The following STAB2 variants were observed in gnomAD, a reference collection of about 807,000 sequenced individuals.
The protein encoded by STAB2 is stabilin 2.
In STAB2, 288 loss-of-function variants were observed where a neutral mutation model predicts 338.1. The ratio of observed to expected loss-of-function variants is 0.85; its 90% CI spans 0.77 to 0.94. STAB2 has a LOEUF of 0.94. STAB2 is among the 40% of genes least tolerant of loss of function. STAB2 has a pLI of 0.00. For missense variants in STAB2, 3,141 were observed against 3,210.1 expected (o/e 0.98, Z 0.52); for synonymous variants, 1,202 against 1,193.3 (o/e 1.01, Z -0.15).
intron 22 of STAB2, among the ~76,000 whole-genome samples, chr12:103,671,983 C>T (rs762291567): frequency 7.9e-5 from 12 of 152,154 alleles, no homozygotes; most frequent in Non-Finnish European, 1.5e-4. Flanking sequence ...TCTCAGAAAA[C>T]GGCTATTTCT....
At chr12:103,594,557 C>A in intron 3 of STAB2, 47 bp downstream of exon 3, 3 of 1,426,588 alleles carry the variant, frequency 2.1e-6, no homozygotes, top group South Asian at 1.2e-5. Context: ...CTTGGTATCT[C>A]ATTTGGTAGA....
chr12:103,759,835 C>A (rs1884408126), intron 65 of STAB2, among the ~76,000 whole-genome samples: 1 of 152,198 alleles, frequency 6.6e-6, no homozygotes, highest in East Asian at 1.9e-4. Context: ...GAAGCATACA[C>A]ATTTTATTTA....
At chr12:103,746,821 C>T (rs1182375547) in intron 58 of STAB2, 117 bp downstream of exon 58, 5 of 899,302 alleles carry the variant, frequency 5.6e-6, no homozygotes, top group Non-Finnish European at 9.1e-6. Flanking sequence ...ACTTCAGCAG[C>T]ACCTACCCTC....
At chr12:103,660,616 C>G (rs1874527059) in intron 16 of STAB2, 67 bp from the exon 17 acceptor site, 1 of 1,542,926 alleles carries the variant, frequency 6.5e-7, no homozygotes, top group East Asian at 2.2e-5. Flanking sequence ...CTAGTGAGGA[C>G]TTTAAGAACT....
At chr12:103,657,281 C>A in intron 15 of STAB2, among the ~76,000 whole-genome samples, 1 of 149,674 alleles carries the variant, frequency 6.7e-6, no homozygotes, top group African/African-American at 2.5e-5. Context: ...TATTAAAATC[C>A]TGAGATTATG....
intron 28 of STAB2, 84 bp from the exon 29 acceptor site, chr12:103,689,762 A>C: frequency 6.6e-7 from 1 of 1,519,848 alleles, no homozygotes; most frequent in Non-Finnish European, 8.9e-7. Flanking sequence ...CTTATGGGAA[A>C]TTGTCATCTC....
intron 68 of STAB2, among the ~76,000 whole-genome samples, chr12:103,764,183 C>T (rs1566088330): frequency 6.6e-6 from 1 of 152,136 alleles, no homozygotes; most frequent in Non-Finnish European, 1.5e-5. Flanking sequence ...GAACTCCCAA[C>T]CTCAGGTGAT....
chr12:103,612,039 T>A (rs999471004), intron 3 of STAB2, among the ~76,000 whole-genome samples: 4 of 152,190 alleles, frequency 2.6e-5, no homozygotes, highest in African/African-American at 9.7e-5. Flanking sequence ...GCTTGTAGAG[T>A]TTCTGCTGAG....
chr12:103,722,179 A>G (rs1009859690), intron 44 of STAB2, among the ~76,000 whole-genome samples: 2 of 152,194 alleles, frequency 1.3e-5, no homozygotes, highest in Non-Finnish European at 2.9e-5. Flanking sequence ...AAGACGGGGC[A>G]GGTGGAGGGG....
chr12:103,739,819 C>G (rs1020454823), intron 54 of STAB2, among the ~76,000 whole-genome samples: 1 of 152,168 alleles, frequency 6.6e-6, no homozygotes, highest in Non-Finnish European at 1.5e-5. Context: ...ACTCATTACT[C>G]TATCCCTCTT....
At chr12:103,718,426 A>G (rs1187712238) in intron 44 of STAB2, among the ~76,000 whole-genome samples, 1 of 152,154 alleles carries the variant, frequency 6.6e-6, no homozygotes, top group East Asian at 1.9e-4. Context: ...GATGCTCTGC[A>G]TTGAGCAGGG....
intron 33 of STAB2, among the ~76,000 whole-genome samples, chr12:103,696,277 G>A (rs1206303114): frequency 1.3e-5 from 2 of 152,114 alleles, no homozygotes; most frequent in African/African-American, 4.8e-5. Context: ...GGGCTCAGGG[G>A]TGGCTTCTCG....
intron 4 of STAB2, 71 bp downstream of exon 4, chr12:103,620,624 AACACAC>A (rs34881989): frequency 7.6e-4 from 642 of 840,736 alleles, no homozygotes; most frequent in African/African-American, 2.7e-3. Context: ...ATCCTCCTTA[AACACAC>A]ACACACACAC....
chr12:103,765,568 A>C (rs1884882266), intron 68 of STAB2, among the ~76,000 whole-genome samples: 1 of 152,142 alleles, frequency 6.6e-6, no homozygotes, highest in African/African-American at 2.4e-5. Context: ...CCACCTCTAG[A>C]GTGTGGCCTT....
intron 3 of STAB2, among the ~76,000 whole-genome samples, chr12:103,619,027 CTCTT>C (rs1957256115): frequency 6.6e-6 from 1 of 152,202 alleles, no homozygotes; most frequent in Non-Finnish European, 1.5e-5. Context: ...CGTCACTTTG[CTCTT>C]TCTTTGTCTT....
intron 21 of STAB2, 57 bp from the exon 22 acceptor site, chr12:103,670,639 G>A: frequency 1.4e-6 from 2 of 1,391,958 alleles, no homozygotes; most frequent in Non-Finnish European, 2.0e-6. Context: ...GCCATGAAAT[G>A]AAAACACCTG....
chr12:103,743,931 G>A (rs1304685424), intron 56 of STAB2, among the ~76,000 whole-genome samples: 2 of 152,182 alleles, frequency 1.3e-5, no homozygotes, highest in Non-Finnish European at 2.9e-5. Context: ...CTCTATGTGT[G>A]ACAGGAGGCC....
rs1252492503 is a variant in STAB2 at position 103,660,363 on chromosome 12, C to T, written c.1767C>T (p.Tyr589=). 2 of 1,614,154 alleles carry T rather than the reference C, an allele frequency of 1.2e-6. No homozygotes were observed. Among genetic ancestry groups the T allele is most frequent in the East Asian group, 4.5e-5 (2 of 44,878 alleles). The change falls in exon 16 of 69, where the codon TAC becomes TAT. Residue 589 remains tyrosine, a synonymous_variant. Transcript: ENST00000388887. The part of the protein sequence containing the change: ...GSRKLLELVR[Y]HIVPFTQLEV... ...GGAAGCTTCTGGAACTCGTCAGATACCACATTGTCCCATTTACCCAGGTTG... is the reference window on the plus strand; with the variant it reads ...GGAAGCTTCTGGAACTCGTCAGATATCACATTGTCCCATTTACCCAGGTTG...
chr12:103,707,779 A>G (rs1879495276), intron 38 of STAB2, among the ~76,000 whole-genome samples: 1 of 152,214 alleles, frequency 6.6e-6, no homozygotes, highest in South Asian at 2.1e-4. Context: ...TCTAAGCCAG[A>G]CAAAATTAAT....
Sources: allele counts gnomAD v4.1 joint callset (sites outside exome capture counted in the v4.1 genomes callset), GRCh38; gene constraint gnomAD v4.1.1; transcripts MANE v1.5; gene names NCBI Gene and HGNC (gene_info 2026-07-23, HGNC 2026-07-21).